PACRGL: variants seen among roughly 807,000 people sequenced by gnomAD.
PACRGL encodes PACRG-like protein.
Under a neutral mutation model 34.5 loss-of-function variants are expected in PACRGL, and 38 were observed. The ratio of observed to expected loss-of-function variants is 1.10; its 90% CI spans 0.85 to 1.44. The LOEUF (loss-of-function observed/expected upper bound fraction) is 1.44, where lower values mean the gene tolerates loss of function less well. Ranked by LOEUF, PACRGL falls within the 40% of genes most tolerant of loss-of-function variation. PACRGL has a pLI of 0.00. For synonymous variants in PACRGL, 128 were observed against 100.1 expected, an observed-to-expected ratio of 1.28 and a Z score of -1.66; for missense variants, 305 against 281.4, an observed-to-expected ratio of 1.08 and a Z score of -0.60.
At chr4:20,734,958 G>A (rs1749231694), downstream of PACRGL, among the ~76,000 whole-genome samples, 1 of 152,034 alleles carries the variant, frequency 6.6e-6, no homozygotes, top group Admixed American at 6.6e-5. Flanking sequence ...TAAATCAATG[G>A]TCATACTGGA....
chr4:20,766,059 CTGA>C, the PACRGL span, among the ~76,000 whole-genome samples: 2 of 152,068 alleles, frequency 1.3e-5, no homozygotes, highest in African/African-American at 2.4e-5. Flanking sequence ...AATGATGATA[CTGA>C]TGATATTAAG....
chr4:20,704,451 T>G lies in PACRGL; in HGVS notation c.-16-15T>G. ...AACAAATTTTGAAATCAACTTTTTT[T>G]TTTTTAAACTGCAGGAGTGAAAGGG... On this transcript the variant is annotated splice_polypyrimidine_tract_variant and intron_variant, in intron 1 of 8. Transcript: ENST00000503585. 1 of 1,605,788 alleles carries G rather than the reference T, an allele frequency of 6.2e-7. No homozygotes were observed. Among genetic ancestry groups the G allele is most frequent in the Non-Finnish European group, 8.5e-7 (1 of 1,177,736 alleles).
chr4:20,765,882 G>A, the PACRGL span, among the ~76,000 whole-genome samples: 16 of 152,176 alleles, frequency 1.1e-4, no homozygotes, highest in African/African-American at 3.6e-4. Flanking sequence ...AGTCCTCTCA[G>A]GCCATGTGGG....
Position 20,704,490 on chromosome 4 carries a change from A to G in PACRGL, c.9A>G (p.Lys3=). The change falls in exon 2 of 9, where the codon AAA becomes AAG. Residue 3 remains lysine (K), a synonymous_variant. Coordinates refer to ENST00000503585, the MANE Select transcript of PACRGL (RefSeq NM_001258345.3). Reference sequence around the variant, plus strand: ...GGAGTGAAAGGGAAGCAATGCAGAAATCAGAGGGCTCTGGAGGTACACAGT... The same window carrying G: ...GGAGTGAAAGGGAAGCAATGCAGAAGTCAGAGGGCTCTGGAGGTACACAGT... MQ[K]SEGSGGTQLK... 5 of 1,614,024 alleles carry G rather than the reference A, an allele frequency of 3.1e-6. No homozygotes were observed. The highest frequency in any genetic ancestry group is 4.2e-6 in the Non-Finnish European group (5 of 1,179,984).
intron 7 of PACRGL, among the ~76,000 whole-genome samples, chr4:20,721,071 C>A (rs1742862774): frequency 6.6e-6 from 1 of 152,110 alleles, no homozygotes; most frequent in Non-Finnish European, 1.5e-5. Context: ...TCATTTCATT[C>A]ATTTGATCTT....
chr4:20,730,121 G>GTTT lies in PACRGL; in HGVS notation c.*2782_*2784dup, dbSNP rs1747616191. Reference sequence around the variant, plus strand: ...CAAAGAGCTGCATGGAGCGCATTATGTTTTCATCCTGTAAGGGAGAAACAC... The same window carrying GTTT: ...CAAAGAGCTGCATGGAGCGCATTATGTTTTTTTCATCCTGTAAGGGAGAAACAC... On this transcript the variant is annotated 3_prime_UTR_variant, in exon 9 of 9. Coordinates refer to ENST00000503585, the MANE Select transcript of PACRGL (RefSeq NM_001258345.3). 1 of 1,607,612 alleles carries GTTT rather than the reference G, an allele frequency of 6.2e-7. No homozygotes were observed. Among genetic ancestry groups the GTTT allele is most frequent in the Admixed American group, 1.7e-5 (1 of 58,290 alleles).
At chr4:20,735,868 G>C (rs150327508), downstream of PACRGL, among the ~76,000 whole-genome samples, 1 of 152,098 alleles carries the variant, frequency 6.6e-6, no homozygotes, top group East Asian at 1.9e-4. Flanking sequence ...CAGGGTTAAC[G>C]TTACAATGTG....
Position 20,738,160 on chromosome 4 carries a change from A to G in PACRGL, c.*56+10763A>G, listed in dbSNP as rs544722456. Among the ~76,000 whole-genome samples, 6 of 152,206 alleles carry G rather than the reference A, an allele frequency of 3.9e-5. 1 individual carries two copies. In the South Asian group the frequency reaches 1.2e-3, roughly 32 times the overall value. On this transcript the variant is annotated intron_variant, in intron 8 of 8. Transcript: ENST00000507634. ...AAAAAAAAAAATCCTTAGCTTTTTC[A>G]GAAGGCATAAAATATACATTGCAGA...
In PACRGL at chr4:20,731,929, C is replaced by T. The variant is rs1748362991; in HGVS notation, c.*4588C>T. On this transcript the variant is annotated 3_prime_UTR_variant, in exon 9 of 9. Transcript: ENST00000503585. ...TATGATCTCTATATTTCGCCCAGTT[C>T]ATGGTAGCTAGCTGCTAATACTCAG... The T allele has an allele frequency of 1.9e-5, 30 of 1,587,014 alleles. No homozygotes were observed. In the South Asian group the frequency reaches 3.1e-4, roughly 16 times the overall value.
chr4:20,760,872 T>C, the PACRGL span, among the ~76,000 whole-genome samples: 2 of 152,188 alleles, frequency 1.3e-5, no homozygotes, highest in Non-Finnish European at 2.9e-5. Flanking sequence ...TGAACTGTGA[T>C]GGTTGATTTT....
chr4:20,729,551 A>ATAGAAACTGGAACTATGTGTTTTTT lies in PACRGL; in HGVS notation c.*2213_*2237dup, dbSNP rs1373445147. The stretch of plus-strand genomic sequence containing the variant: ...ATTTCTAACAGAAGGTGGGAAGGCC[A>ATAGAAACTGGAACTATGTGTTTTTT]TAGAAACTGGAACTATGTGTTTTTT... On this transcript the variant is annotated 3_prime_UTR_variant, in exon 9 of 9. Transcript: ENST00000503585. 1 of 149,426 alleles carries ATAGAAACTGGAACTATGTGTTTTTT rather than the reference A, an allele frequency of 6.7e-6. No individual in the cohort carries two copies. The highest frequency in any genetic ancestry group is 1.5e-5 in the Non-Finnish European group (1 of 67,044). The allele number at this position is 149,426 out of a possible 1,614,324, so 9.3% of individuals were successfully genotyped here.
At chr4:20,725,324 T>TGTAA (rs1303888020) in intron 8 of PACRGL, among the ~76,000 whole-genome samples, 1 of 150,728 alleles carries the variant, frequency 6.6e-6, no homozygotes, top group African/African-American at 2.5e-5. Context: ...CTATTCTGTC[T>TGTAA]GTAAGTGCGT....
chr4:20,723,425 T>C (rs1744286318), intron 7 of PACRGL, among the ~76,000 whole-genome samples: 1 of 151,298 alleles, frequency 6.6e-6, no homozygotes, highest in East Asian at 1.9e-4. Context: ...TTTGGGTTTT[T>C]TTTGTTTTTT....
At chr4:20,765,696 A>G in the PACRGL span, among the ~76,000 whole-genome samples, 6 of 152,200 alleles carry the variant, frequency 3.9e-5, no homozygotes, top group Non-Finnish European at 8.8e-5. Context: ...ATACTTATCT[A>G]TGATGACCAT....
At chr4:20,698,185 C>A (rs1405865258), upstream of PACRGL, among the ~76,000 whole-genome samples, 1 of 151,958 alleles carries the variant, frequency 6.6e-6, no homozygotes, top group African/African-American at 2.4e-5. Flanking sequence ...GATCAGCATC[C>A]CAGAGCAAAT....
chr4:20,728,713 T>C lies in PACRGL; in HGVS notation c.*1372T>C, dbSNP rs1311850135. ...ATGGCAAATTTCAGTGTACATGTAT[T>C]GTACTACTCTTAATTTCTACACTGG... On this transcript the variant is annotated 3_prime_UTR_variant, in exon 9 of 9. Transcript: ENST00000503585. The C allele has an allele frequency of 1.3e-5, 2 of 152,640 alleles. No individual in the cohort carries two copies. The highest frequency in any genetic ancestry group is 4.8e-5 in the African/African-American group (2 of 41,476). 9.5% of individuals were successfully genotyped at this position (152,640 alleles called of 1,614,324 possible). A position where few individuals can be genotyped will look rare whatever the true frequency, so the allele number is the denominator to read the frequency against.
At chr4:20,719,404 C>A (rs1241374175) in intron 7 of PACRGL, among the ~76,000 whole-genome samples, 1 of 152,128 alleles carries the variant, frequency 6.6e-6, no homozygotes, top group Non-Finnish European at 1.5e-5. Flanking sequence ...TTCTCTAGTT[C>A]TTTTAATTGT....
At chr4:20,713,963 A>T (rs1336283598) in intron 7 of PACRGL, among the ~76,000 whole-genome samples, 1 of 152,160 alleles carries the variant, frequency 6.6e-6, no homozygotes, top group Non-Finnish European at 1.5e-5. Context: ...GCTGAAAAAA[A>T]TGTATATTCT....
In PACRGL at chr4:20,729,458, A is replaced by ATCTGATAATAAACTAATTTT. The variant is rs1295391554; in HGVS notation, c.*2119_*2138dup. ...TAAGTTTTATTAGGCATATGCTGAT[A>ATCTGATAATAAACTAATTTT]TCTGATAATAAACTAATTTTTAAAT... On this transcript the variant is annotated 3_prime_UTR_variant, in exon 9 of 9. Transcript: ENST00000503585. 2 of 126,790 alleles carry ATCTGATAATAAACTAATTTT rather than the reference A, an allele frequency of 1.6e-5. No homozygotes were observed. Among genetic ancestry groups the ATCTGATAATAAACTAATTTT allele is most frequent in the Admixed American group, 8.2e-5 (1 of 12,176 alleles). 7.9% of individuals were successfully genotyped at this position (126,790 alleles called of 1,614,324 possible).
Sources: gnomAD v4.1 joint callset for allele counts (sites outside exome capture counted in the v4.1 genomes callset) on GRCh38, gnomAD v4.1.1 for gene constraint, MANE v1.5 for transcripts, NCBI Gene and HGNC (gene_info 2026-07-23, HGNC 2026-07-21) for gene names.